ABCA12: variants seen among roughly 807,000 people sequenced by gnomAD.
ABCA12 encodes ATP binding cassette subfamily A member 12.
In ABCA12, 156 loss-of-function variants were observed where a neutral mutation model predicts 293.5. The observed-to-expected ratio is 0.53, with a 90% CI of 0.47 to 0.61. The LOEUF is 0.61. Among genes scored for constraint, ABCA12 ranks in the 20% least tolerant of loss-of-function variants. The pLI, the probability that ABCA12 is intolerant of heterozygous loss-of-function variation, is 0.00. For missense variants in ABCA12, 2,797 were observed against 3,090.2 expected, an observed-to-expected ratio of 0.91 and a Z score of 2.25; for synonymous variants, 1,063 against 1,108.0, an observed-to-expected ratio of 0.96 and a Z score of 0.81.
chr2:215,059,720 C>T (rs1559172000), intron 3 of ABCA12, among the ~76,000 whole-genome samples: 1 of 152,020 alleles, frequency 6.6e-6, no homozygotes, highest in East Asian at 1.9e-4. Context: ...AAGGAGATAA[C>T]ACCACTGTGT....
chr2:214,950,972 C>T lies in ABCA12; in HGVS notation c.6759G>A (p.Leu2253=), dbSNP rs775847850. Residue 2253 remains leucine, a synonymous_variant, in exon 45 of 53, where the codon TTG becomes TTA. Coordinates refer to ENST00000272895, the MANE Select transcript of ABCA12 (RefSeq NM_173076.3). ...TCTTTGTGAGACAATAAAGTTGGAC[C>T]AAGTCAAATTCAGCTGCACCACTCT... is the stretch of plus-strand genomic sequence containing the variant. The part of the protein sequence containing the change: ...RVESGAAEFD[L]VQLYCLTKTY... The T allele has an allele frequency of 2.5e-6, 4 of 1,614,014 alleles. No individual in the cohort carries two copies. The South Asian group carries it at 3.3e-5, about 13-fold the overall frequency.
intron 6 of ABCA12, among the ~76,000 whole-genome samples, chr2:215,048,611 G>A (rs961894600): frequency 2.6e-5 from 4 of 152,064 alleles, no homozygotes; most frequent in Admixed American, 1.3e-4. Flanking sequence ...GCTGAGGCAC[G>A]AGAATTACTT....
intron 3 of ABCA12, 44 bp from the exon 4 acceptor site, chr2:215,054,708 A>G: frequency 6.9e-7 from 1 of 1,458,588 alleles, no homozygotes; most frequent in Non-Finnish European, 9.6e-7. Context: ...TCCCACATTA[A>G]TTTTAGTTAC....
chr2:215,105,605 A>G (rs1347221736), intron 2 of ABCA12, among the ~76,000 whole-genome samples: 2 of 143,634 alleles, frequency 1.4e-5, no homozygotes, highest in African/African-American at 2.9e-5. Flanking sequence ...ACACACGCAC[A>G]CACACACACA....
At chr2:214,983,084 G>T (rs1422737285) in intron 29 of ABCA12, among the ~76,000 whole-genome samples, 1 of 152,164 alleles carries the variant, frequency 6.6e-6, no homozygotes, top group Non-Finnish European at 1.5e-5. Context: ...AGCAGGCCTA[G>T]GACAGTCACG....
intron 39 of ABCA12, among the ~76,000 whole-genome samples, chr2:214,963,605 C>CAAAAA (rs57895778): frequency 8.5e-5 from 6 of 70,180 alleles, no homozygotes; most frequent in African/African-American, 2.3e-4. Flanking sequence ...GCAGAGATAC[C>CAAAAA]AAAAAAAAAA....
At chr2:215,005,187 G>A (rs772748124) in intron 19 of ABCA12, among the ~76,000 whole-genome samples, 1 of 152,112 alleles carries the variant, frequency 6.6e-6, no homozygotes, top group Non-Finnish European at 1.5e-5. Context: ...ACAAAGCTAT[G>A]GCTAAAGAAG....
Position 214,981,273 on chromosome 2 carries a change from C to A in ABCA12, c.4580-630G>T, listed in dbSNP as rs560478484. Among the ~76,000 whole-genome samples the A allele has an allele frequency of 2.2e-4, 34 of 152,006 alleles. 1 individual carries two copies. The South Asian group carries it at 6.9e-3, about 31-fold the overall frequency. ...TTCACAGTCTATTAGAATTTTGCTC[C>A]CATGGGTTCATTTTGCATTGTTTTT... On this transcript the variant is annotated intron_variant, in intron 30 of 52. Transcript: ENST00000272895.
At chr2:215,012,207 G>A (rs1159892113) in intron 15 of ABCA12, 72 bp from the exon 16 acceptor site, 10 of 1,439,414 alleles carry the variant, frequency 6.9e-6, no homozygotes, top group Non-Finnish European at 6.8e-6. Flanking sequence ...TGGTAAGGTT[G>A]TAGAAAGGTA....
At chr2:215,136,374 A>G (rs1446394488) in intron 1 of ABCA12, among the ~76,000 whole-genome samples, 1 of 152,228 alleles carries the variant, frequency 6.6e-6, no homozygotes, top group African/African-American at 2.4e-5. Flanking sequence ...ACTACTTTCA[A>G]AATGAGGAAA....
intron 38 of ABCA12, among the ~76,000 whole-genome samples, chr2:214,967,898 C>A (rs1235734862): frequency 1.3e-5 from 2 of 152,084 alleles, no homozygotes; most frequent in Non-Finnish European, 2.9e-5. Flanking sequence ...TTTTAAATCC[C>A]TATGACTACC....
At chr2:215,015,327 A>C (rs1016524865) in intron 15 of ABCA12, among the ~76,000 whole-genome samples, 163 bp downstream of exon 15, 10 of 152,246 alleles carry the variant, frequency 6.6e-5, no homozygotes, top group African/African-American at 2.2e-4. Flanking sequence ...GCAAAATTGC[A>C]ATAAATGATC....
rs1248719496 is a variant in ABCA12 at position 215,111,672 on chromosome 2, T to G, written c.88A>C (p.Ile30Leu). ...ATGAAAATAATGACTGGCCATAAGATCAAGACAAGTGTCCAAAGCTGCAAA... is the reference window on the plus strand; with the variant it reads ...ATGAAAATAATGACTGGCCATAAGAGCAAGACAAGTGTCCAAAGCTGCAAA... ...KRQPLWTLVL[I>L]LWPVIIFIIL... Residue 30 changes from isoleucine to leucine, a missense_variant, in exon 2 of 53, where the codon ATC becomes CTC. By Grantham distance (5) the Ile-to-Leu change is conservative. Transcript: ENST00000272895. The G allele has an allele frequency of 6.2e-7, 1 of 1,613,346 alleles. No individual in the cohort carries two copies. The highest frequency in any genetic ancestry group is 8.5e-7 in the Non-Finnish European group (1 of 1,179,580).
chr2:215,066,325 G>A (rs1701639566), intron 2 of ABCA12, among the ~76,000 whole-genome samples: 1 of 152,058 alleles, frequency 6.6e-6, no homozygotes, highest in Non-Finnish European at 1.5e-5. Context: ...AAGGGCAACA[G>A]AAAGATGACC....
intron 6 of ABCA12, 109 bp from the exon 7 acceptor site, chr2:215,046,124 C>G (rs1261894322): frequency 6.5e-6 from 7 of 1,075,022 alleles, no homozygotes; most frequent in Non-Finnish European, 9.5e-6. Flanking sequence ...ATAAGCAATT[C>G]TTTTAGACCT....
intron 4 of ABCA12, among the ~76,000 whole-genome samples, chr2:215,054,043 AGTCACACT>A (rs1219004941): frequency 2.6e-5 from 4 of 152,072 alleles, no homozygotes; most frequent in African/African-American, 9.7e-5. Context: ...GCAAGTCCAC[AGTCACACT>A]GAAGACTGTG....
chr2:215,025,879 C>A, intron 10 of ABCA12, 100 bp from the exon 11 acceptor site: 1 of 798,700 alleles, frequency 1.3e-6, no homozygotes, highest in Non-Finnish European at 2.1e-6. Context: ...CTAAATTTTT[C>A]CTAAGATAAT....
intron 44 of ABCA12, among the ~76,000 whole-genome samples, chr2:214,953,232 A>G (rs1432042681): frequency 6.6e-6 from 1 of 152,194 alleles, no homozygotes; most frequent in African/African-American, 2.4e-5. Context: ...TAGTGAATCT[A>G]TGTATATAAT....
At position 214,949,060 on chromosome 2, in the gene ABCA12, A is replaced by T; in HGVS notation, c.6942T>A (p.Ile2314=). The T allele has an allele frequency of 6.2e-7, 1 of 1,613,668 alleles. No individual in the cohort carries two copies. Among genetic ancestry groups the T allele is most frequent in the South Asian group, 1.1e-5 (1 of 91,054 alleles). ...CATACCCGGTCTTATTTCTGATCAG[A>T]ATGTTTCCACTTGAAGGAATGATGT... The part of the protein sequence containing the change: ...TGDIIPSSGN[I]LIRNKTGSLG... The change falls in exon 46 of 53, where the codon ATT becomes ATA. Residue 2314 remains isoleucine (I), a synonymous_variant. Transcript: ENST00000272895.
Sources: allele counts gnomAD v4.1 joint callset (sites outside exome capture counted in the v4.1 genomes callset), GRCh38; gene constraint gnomAD v4.1.1; transcripts MANE v1.5; gene names NCBI Gene and HGNC (gene_info 2026-07-23, HGNC 2026-07-21).